The following VAPA variants were observed in gnomAD, a reference collection of about 807,000 sequenced individuals.
VAPA encodes vesicle-associated membrane protein-associated protein A.
VAPA carries 6 observed loss-of-function variants against 25.6 expected under a neutral mutation model. The observed-to-expected ratio is 0.23, with a 90% CI of 0.13 to 0.46. The LOEUF (loss-of-function observed/expected upper bound fraction) is 0.46, where lower values mean the gene tolerates loss of function less well. Among genes scored for constraint, VAPA ranks in the 20% least tolerant of loss-of-function variants. The pLI, the probability that VAPA is intolerant of heterozygous loss-of-function variation, is 0.99. For missense variants in VAPA, 244 were observed against 302.1 expected, an observed-to-expected ratio of 0.81 and a Z score of 1.43; for synonymous variants, 112 against 106.2, an observed-to-expected ratio of 1.05 and a Z score of -0.34.
At position 9,957,555 on chromosome 18, in the gene VAPA, T is replaced by G. The variant is rs2069563844; in HGVS notation, c.*3344T>G. ...TTTGCACATTCCTATTCACTGAGAT[T>G]TTAAAAATTTCACCTTTATTCGAGG... On this transcript the variant is annotated 3_prime_UTR_variant, in exon 6 of 6. Coordinates refer to ENST00000400000, the MANE Select transcript of VAPA (RefSeq NM_194434.3). The G allele has an allele frequency of 6.6e-6, 1 of 152,196 alleles. No homozygotes were observed. The highest frequency in any genetic ancestry group is 2.4e-5 in the African/African-American group (1 of 41,434). The allele number at this position is 152,196 out of a possible 1,614,324, so 9.4% of individuals were successfully genotyped here. A position where few individuals can be genotyped will look rare whatever the true frequency, so the allele number is the denominator to read the frequency against.
chr18:9,953,982 A>G (rs548356842), intron 5 of VAPA, 71 bp from the exon 6 acceptor site: 2 of 1,582,706 alleles, frequency 1.3e-6, no homozygotes, highest in South Asian at 2.3e-5. Flanking sequence ...GTCCCTATAG[A>G]TTTTTAGCTC....
intron 4 of VAPA, among the ~76,000 whole-genome samples, chr18:9,940,720 C>T (rs1050612810): frequency 6.6e-6 from 1 of 152,122 alleles, no homozygotes; most frequent in Non-Finnish European, 1.5e-5. Flanking sequence ...TACATAAATA[C>T]AGCTTATGAC....
intron 2 of VAPA, among the ~76,000 whole-genome samples, chr18:9,932,218 C>T (rs1224644493): frequency 6.6e-6 from 1 of 152,188 alleles, no homozygotes. Context: ...CTACAGCTAA[C>T]CACTACCTTC....
At chr18:9,937,851 T>G (rs995406343) in intron 4 of VAPA, among the ~76,000 whole-genome samples, 2 of 152,224 alleles carry the variant, frequency 1.3e-5, no homozygotes, top group African/African-American at 4.8e-5. Flanking sequence ...AGTGGCCATT[T>G]GCTCTATTGA....
At chr18:9,925,078 TAA>T (rs2069189235) in intron 1 of VAPA, 3 of 152,112 alleles carry the variant, frequency 2.0e-5, no homozygotes, top group Non-Finnish European at 2.9e-5. Context: ...GTAAAAGAAG[TAA>T]AAGACATGGT....
At chr18:9,918,385 T>C (rs938232624) in intron 1 of VAPA, among the ~76,000 whole-genome samples, 1 of 152,230 alleles carries the variant, frequency 6.6e-6, no homozygotes, top group Non-Finnish European at 1.5e-5. Context: ...TTCACTGTTT[T>C]TCCAGTTACT....
At chr18:9,941,835 T>C (rs943460510) in intron 4 of VAPA, among the ~76,000 whole-genome samples, 1 of 152,210 alleles carries the variant, frequency 6.6e-6, no homozygotes, top group Non-Finnish European at 1.5e-5. Context: ...CACTCCCTTA[T>C]TCAAAGAAAA....
At chr18:9,919,938 A>G (rs2069142526) in intron 1 of VAPA, among the ~76,000 whole-genome samples, 1 of 152,202 alleles carries the variant, frequency 6.6e-6, no homozygotes, top group African/African-American at 2.4e-5. Flanking sequence ...GACTGAGGTC[A>G]TGGTATTGGA....
chr18:9,925,059 G>A (rs564377942), intron 1 of VAPA: 6 of 152,190 alleles, frequency 3.9e-5, no homozygotes, highest in African/African-American at 1.4e-4. Flanking sequence ...TACACTGTAT[G>A]AAAATGGTGT....
chr18:9,946,595 T>C (rs1839267306), intron 4 of VAPA, among the ~76,000 whole-genome samples: 1 of 151,844 alleles, frequency 6.6e-6, no homozygotes, highest in African/African-American at 2.4e-5. Flanking sequence ...CCCGTGACTA[T>C]ACACAGAAAA....
chr18:9,949,214 G>GA (rs1159610609), intron 4 of VAPA: 1 of 152,164 alleles, frequency 6.6e-6, no homozygotes, highest in East Asian at 1.9e-4. Context: ...GCTAGCAAGA[G>GA]AAAAACTCAG....
intron 2 of VAPA, among the ~76,000 whole-genome samples, chr18:9,935,094 C>CAAA (rs34998578): frequency 2.8e-4 from 24 of 86,818 alleles, no homozygotes; most frequent in South Asian, 9.2e-4. Context: ...GACTCCGTCT[C>CAAA]AAAAAAAAAA....
Position 9,955,851 on chromosome 18 carries a change from A to G in VAPA, c.*1640A>G, listed in dbSNP as rs879937817. On this transcript the variant is annotated 3_prime_UTR_variant, in exon 6 of 6. Transcript: ENST00000400000. Reference sequence around the variant, plus strand: ...ATCCATTACTAGCATGCTATGCTGCATGCTTTACTGCCATTGCTGTATGCT... The same window carrying G: ...ATCCATTACTAGCATGCTATGCTGCGTGCTTTACTGCCATTGCTGTATGCT... 2 of 152,214 alleles carry G rather than the reference A, an allele frequency of 1.3e-5. No homozygotes were observed. The highest frequency in any genetic ancestry group is 2.9e-5 in the Non-Finnish European group (2 of 68,004). The allele number at this position is 152,214 out of a possible 1,614,324, so 9.4% of individuals were successfully genotyped here.
chr18:9,921,201 G>T (rs2143290899), intron 1 of VAPA, among the ~76,000 whole-genome samples: 1 of 152,320 alleles, frequency 6.6e-6, no homozygotes, highest in South Asian at 2.1e-4. Context: ...TCTTGACTCA[G>T]TTGGAGTTTT....
intron 1 of VAPA, chr18:9,914,929 G>C (rs2069099498): frequency 6.6e-6 from 1 of 152,588 alleles, no homozygotes; most frequent in Admixed American, 6.5e-5. Context: ...CCGGCCCTCG[G>C]GTTCCGCGGA....
chr18:9,936,305 T>TA, intron 3 of VAPA, 92 bp downstream of exon 3: 1 of 780,610 alleles, frequency 1.3e-6, no homozygotes, highest in Non-Finnish European at 1.9e-6. Context: ...TTCTAAAAAC[T>TA]AAAAGTTAAA....
At chr18:9,935,271 T>C (rs1277366974) in intron 2 of VAPA, among the ~76,000 whole-genome samples, 1 of 152,084 alleles carries the variant, frequency 6.6e-6, no homozygotes, top group Non-Finnish European at 1.5e-5. Flanking sequence ...AAAAATTAAT[T>C]ATATTAAAAC....
chr18:9,954,620 C>G lies in VAPA; in HGVS notation c.*409C>G, dbSNP rs968951946. On this transcript the variant is annotated 3_prime_UTR_variant, in exon 6 of 6. Transcript: ENST00000400000. The stretch of plus-strand genomic sequence containing the variant: ...ATTTATTTAGATTGCTAATCCCACT[C>G]ATTCAGGAAATGCCAAGAGGTATTC... 2 of 156,432 alleles carry G rather than the reference C, an allele frequency of 1.3e-5. No individual in the cohort carries two copies. Among genetic ancestry groups the G allele is most frequent in the African/African-American group, 4.8e-5 (2 of 41,534 alleles). The allele number at this position is 156,432 out of a possible 1,614,324, so 9.7% of individuals were successfully genotyped here.
chr18:9,923,945 G>GC (rs2069178376), intron 1 of VAPA: 1 of 172,694 alleles, frequency 5.8e-6, no homozygotes, highest in South Asian at 1.9e-4. Context: ...CCCTGAACGC[G>GC]CCCCATCTCG....
Sources: gnomAD v4.1 joint callset for allele counts (sites outside exome capture counted in the v4.1 genomes callset) on GRCh38, gnomAD v4.1.1 for gene constraint, MANE v1.5 for transcripts, NCBI Gene and HGNC (gene_info 2026-07-23, HGNC 2026-07-21) for gene names.